The following MDN1 variants were observed in gnomAD, a reference collection of about 807,000 sequenced individuals.
The protein encoded by MDN1 is midasin.
Under a neutral mutation model 669.2 loss-of-function variants are expected in MDN1, and 266 were observed. That is an observed-to-expected ratio of 0.40 (90% CI 0.36 to 0.44). The LOEUF (loss-of-function observed/expected upper bound fraction) is 0.44, where lower values mean the gene tolerates loss of function less well. MDN1 is among the 20% of genes least tolerant of loss of function. The probability of loss-of-function intolerance (pLI) is 1.00; values close to 1 mark genes in which losing one functional copy is unlikely to be tolerated. For missense variants in MDN1, 5,940 were observed against 6,754.0 expected (o/e 0.88, Z 4.22); for synonymous variants, 2,385 against 2,457.1 (o/e 0.97, Z 0.87).
intron 59 of MDN1, among the ~76,000 whole-genome samples, chr6:89,697,174 G>A (rs1255213906): frequency 3.3e-5 from 5 of 152,172 alleles, no homozygotes. Context: ...GGGCAATAAG[G>A]CATTTCACAT....
At chr6:89,778,663 T>A (rs946160278) in intron 11 of MDN1, among the ~76,000 whole-genome samples, 3 of 151,652 alleles carry the variant, frequency 2.0e-5, no homozygotes, top group Non-Finnish European at 4.4e-5. Flanking sequence ...GGTGGGTGGA[T>A]CACGAGGTCA....
In MDN1 at chr6:89,674,288, T is replaced by C. The variant is rs140367033; in HGVS notation, c.13063A>G (p.Asn4355Asp). Residue 4355 changes from asparagine (N) to aspartate (D), a missense_variant, in exon 79 of 102, where the codon AAT becomes GAT. By Grantham distance (23) the Asn-to-Asp change is conservative. This residue lies in a region of MDN1 where 2,280 missense variants were observed against 2,576.3 expected (regional missense o/e 0.88). Coordinates refer to ENST00000369393, the MANE Select transcript of MDN1 (RefSeq NM_014611.3). ...GGTATTGGAGATGGGTAGCTCAGAT[T>C]GGAAGGAATTAGGTCCAGCACTACT... Reference protein sequence around the residue: ...CGVVLDLIPSNLSYPSPIPGS... With the variant: ...CGVVLDLIPSDLSYPSPIPGS... The C allele has an allele frequency of 9.9e-6, 16 of 1,614,220 alleles. No individual in the cohort carries two copies. The highest frequency in any genetic ancestry group is 2.2e-5 in the South Asian group (2 of 91,088).
intron 1 of MDN1, among the ~76,000 whole-genome samples, chr6:89,809,881 C>T (rs538320124): frequency 1.2e-3 from 172 of 148,078 alleles, no homozygotes; most frequent in Middle Eastern, 3.6e-3. Context: ...CCCTACTACT[C>T]ATGAGGCTAG....
At chr6:89,764,863 T>C (rs1020720985) in intron 15 of MDN1, among the ~76,000 whole-genome samples, 4 of 152,244 alleles carry the variant, frequency 2.6e-5, no homozygotes, top group African/African-American at 9.6e-5. Context: ...TCTAAACCTT[T>C]GTATTTTATC....
At chr6:89,756,047 G>T (rs899167320) in intron 20 of MDN1, among the ~76,000 whole-genome samples, 11 of 152,140 alleles carry the variant, frequency 7.2e-5, no homozygotes, top group Non-Finnish European at 1.6e-4. Flanking sequence ...TTATCTGATG[G>T]TTTATATCTT....
chr6:89,786,744 G>A (rs1360813457), intron 8 of MDN1, among the ~76,000 whole-genome samples: 1 of 151,992 alleles, frequency 6.6e-6, no homozygotes, highest in East Asian at 1.9e-4. Context: ...TGGCCAACAT[G>A]GTGAAACCCC....
Position 89,807,918 on chromosome 6 carries a change from C to T in MDN1, c.103-4364G>A, listed in dbSNP as rs115917728. On this transcript the variant is annotated intron_variant, in intron 1 of 101. Transcript: ENST00000369393. ...TGGTTTCACTTGTTTTTTTTCATAG[C>T]TTAAATTTCTCTCATTATGTTTATG... Among the ~76,000 whole-genome samples the T allele has an allele frequency of 2.9e-3, 439 of 152,044 alleles. 2 individuals are homozygous for T. Among genetic ancestry groups the T allele is most frequent in the African/African-American group, 0.01 (419 of 41,490 alleles).
intron 101 of MDN1, 135 bp from the exon 102 acceptor site, chr6:89,644,328 C>T: frequency 1.5e-6 from 1 of 667,492 alleles, no homozygotes; most frequent in Middle Eastern, 3.3e-4. Flanking sequence ...CCTTTTATTA[C>T]TAAGTAAAAG....
At position 89,789,816 on chromosome 6, in the gene MDN1, G is replaced by A; in HGVS notation, c.1194C>T (p.Ile398=). The A allele has an allele frequency of 6.2e-7, 1 of 1,614,040 alleles. No individual in the cohort carries two copies. Among genetic ancestry groups the A allele is most frequent in the Admixed American group, 1.7e-5 (1 of 59,994 alleles). Residue 398 remains isoleucine (I), a synonymous_variant, in exon 7 of 102, where the codon ATC becomes ATT. Coordinates refer to ENST00000369393, the MANE Select transcript of MDN1 (RefSeq NM_014611.3). ...GGGCATAGTCAATATCCTCCAGAAG[G>A]ATCCAGTGGCCCATTGTGGCTGCCT... ...LTQAATMGHW[I]LLEDIDYAPL...
intron 40 of MDN1, among the ~76,000 whole-genome samples, chr6:89,721,073 G>C (rs72915918): frequency 0.099 from 15,084 of 152,294 alleles, 969 homozygotes; most frequent in South Asian, 0.16. Flanking sequence ...AGGAGGTCAA[G>C]GCTACATTAA....
At chr6:89,650,886 C>A in intron 95 of MDN1, 39 bp from the exon 96 acceptor site, 1 of 1,549,592 alleles carries the variant, frequency 6.5e-7, no homozygotes, top group South Asian at 1.1e-5. Context: ...CTCAGAATGT[C>A]AGAGCCAACC....
intron 1 of MDN1, among the ~76,000 whole-genome samples, chr6:89,811,658 A>G (rs150407203): frequency 0.014 from 2,143 of 151,820 alleles, 34 homozygotes; most frequent in African/African-American, 0.046. Flanking sequence ...ATTGGCCAGG[A>G]TGGTCTCAAT....
In MDN1 at chr6:89,713,298, T is replaced by C. The variant is rs1158249301; in HGVS notation, c.7070-2A>G. The C allele has an allele frequency of 6.2e-7, 1 of 1,601,242 alleles. No homozygotes were observed. The highest frequency in any genetic ancestry group is 8.5e-7 in the Non-Finnish European group (1 of 1,175,934). ...TTGATACAGAAGATGTTGGAGAACC[T>C]ATTAAAAAAAAATTGCCATCTATAA... On this transcript the variant is annotated splice_acceptor_variant, in intron 46 of 101. Coordinates refer to ENST00000369393, the MANE Select transcript of MDN1 (RefSeq NM_014611.3). LOFTEE classifies it high-confidence loss of function.
chr6:89,793,773 G>C lies in MDN1; in HGVS notation c.844C>G (p.Pro282Ala). The change falls in exon 5 of 102, where the codon CCT (proline) becomes GCT (alanine). Residue 282 changes from proline (P) to alanine (A), a missense_variant. By Grantham distance (27) the Pro-to-Ala change is conservative. Around this residue, in one of 5 missense-constraint regions of MDN1, gnomAD observed 1,203 missense variants for 1,268.9 expected, o/e 0.95. Transcript: ENST00000369393. The part of the protein sequence containing the change: ...GVVLPGQLPA[P>A]GELGGNRSSS... ...TGATACCAACATACCAGCTCTCCAG[G>C]GGCTGGCAGCTGCCCAGGCAGCACC... 1.2e-6 allele frequency: 2 copies of C among 1,613,646 alleles called. No individual in the cohort carries two copies. The highest frequency in any genetic ancestry group is 1.7e-6 in the Non-Finnish European group (2 of 1,179,804).
chr6:89,797,899 G>A (rs913665343), intron 2 of MDN1: 20 of 175,906 alleles, frequency 1.1e-4, no homozygotes, highest in African/African-American at 2.9e-4. Context: ...TTAGAAAGTC[G>A]GCCAGGCGTG....
intron 27 of MDN1, among the ~76,000 whole-genome samples, chr6:89,746,241 G>A (rs1816606312): frequency 1.3e-5 from 2 of 152,124 alleles, no homozygotes; most frequent in Non-Finnish European, 1.5e-5. Flanking sequence ...CTAAATCTTG[G>A]TCTAGGTGAT....
Position 89,740,292 on chromosome 6 carries a change from C to T in MDN1, c.4535G>A (p.Gly1512Glu). Residue 1512 changes from glycine to glutamate, a missense_variant, in exon 32 of 102, where the codon GGG (glycine) becomes GAG (glutamate). By Grantham distance (98) the Gly-to-Glu change is moderately conservative (BLOSUM62 -2). Coordinates refer to ENST00000369393, the MANE Select transcript of MDN1 (RefSeq NM_014611.3). ...GGTTGCTAGAATACGAAATTTTTTC[C>T]CAGCAGTCAACAGCTCTATTTCACT... is the stretch of plus-strand genomic sequence containing the variant. ...KDSEIELLTAGKKFRILATMN... is the reference protein window; with the variant it reads ...KDSEIELLTAEKKFRILATMN... 1 of 1,611,748 alleles carries T rather than the reference C, an allele frequency of 6.2e-7. No individual in the cohort carries two copies. Among genetic ancestry groups the T allele is most frequent in the Non-Finnish European group, 8.5e-7 (1 of 1,179,356 alleles).
intron 15 of MDN1, among the ~76,000 whole-genome samples, chr6:89,768,405 T>C (rs1817909996): frequency 6.6e-6 from 1 of 152,154 alleles, no homozygotes; most frequent in African/African-American, 2.4e-5. Context: ...AGACACGACT[T>C]TGCTCCTCCT....
rs1809249847 is a variant in MDN1 at position 89,655,910 on chromosome 6, T to C, written c.15344A>G (p.Glu5115Gly). 6.2e-7 allele frequency: 1 copy of C among 1,613,992 alleles called. No homozygotes were observed. Among genetic ancestry groups the C allele is most frequent in the Non-Finnish European group, 8.5e-7 (1 of 1,180,034 alleles). Residue 5115 changes from glutamate to glycine, a missense_variant, in exon 92 of 102, where the codon GAG becomes GGG. This residue lies in a region of MDN1 where 2,280 missense variants were observed against 2,576.3 expected (regional missense o/e 0.88). Transcript: ENST00000369393. ...AGTCCTCAGCCTCTTGTGCACACGC[T>C]CATTGTGATCACCCATGGAACGTTC... is the stretch of plus-strand genomic sequence containing the variant. Reference protein sequence around the residue: ...DNERSMGDHNERVHKRLRTVD... With the variant: ...DNERSMGDHNGRVHKRLRTVD...
Sources: allele counts gnomAD v4.1 joint callset (sites outside exome capture counted in the v4.1 genomes callset), GRCh38; gene constraint gnomAD v4.1.1; regional missense constraint gnomAD v4.1.1; transcripts MANE v1.5; gene names NCBI Gene and HGNC (gene_info 2026-07-23, HGNC 2026-07-21).